Variants in ANKS1B observed in about 807,000 individuals in gnomAD.
ANKS1B encodes ankyrin repeat and sterile alpha motif domain-containing protein 1B.
A neutral mutation model predicts 148.3 loss-of-function variants in ANKS1B; 36 were observed. That is an observed-to-expected ratio of 0.24 (90% CI 0.19 to 0.32). The LOEUF (loss-of-function observed/expected upper bound fraction) is 0.32, where lower values mean the gene tolerates loss of function less well. ANKS1B is among the 10% of genes least tolerant of loss of function. The pLI, the probability that ANKS1B is intolerant of heterozygous loss-of-function variation, is 1.00. For synonymous variants in ANKS1B, 542 were observed against 560.8 expected (o/e 0.97, Z 0.47); for missense variants, 1,157 against 1,542.6 (o/e 0.75, Z 4.19).
chr12:99,202,106 G>T (rs1244281237), intron 14 of ANKS1B, among the ~76,000 whole-genome samples: 1 of 152,110 alleles, frequency 6.6e-6, no homozygotes, highest in African/African-American at 2.4e-5. Flanking sequence ...TAAAAATAGG[G>T]TCAGCATATG....
chr12:98,996,276 G>A (rs2099929514), intron 17 of ANKS1B, among the ~76,000 whole-genome samples: 3 of 152,190 alleles, frequency 2.0e-5, no homozygotes, highest in Admixed American at 6.5e-5. Flanking sequence ...GACTCTGGAT[G>A]TGAATCAGTA....
At chr12:98,894,663 C>A (rs1362666219) in intron 17 of ANKS1B, 1 of 985,466 alleles carries the variant, frequency 1.0e-6, no homozygotes, top group African/African-American at 1.7e-5. Flanking sequence ...AGCCGGGATC[C>A]GCGAGGGCTG....
intron 17 of ANKS1B, among the ~76,000 whole-genome samples, chr12:98,944,579 T>C (rs1251582583): frequency 1.3e-5 from 2 of 152,158 alleles, no homozygotes; most frequent in Non-Finnish European, 2.9e-5. Flanking sequence ...TATATATGCA[T>C]ACAAACTAGG....
intron 17 of ANKS1B, among the ~76,000 whole-genome samples, chr12:99,031,974 T>G (rs1224361114): frequency 6.6e-6 from 1 of 152,250 alleles, no homozygotes; most frequent in Non-Finnish European, 1.5e-5. Context: ...GTAGCTAATC[T>G]TTAACAAATT....
chr12:99,937,490 C>T (rs1317173081), intron 1 of ANKS1B, among the ~76,000 whole-genome samples: 1 of 152,176 alleles, frequency 6.6e-6, no homozygotes, highest in Non-Finnish European at 1.5e-5. Flanking sequence ...TTATATTCTT[C>T]TCACAGACAA....
intron 16 of ANKS1B, among the ~76,000 whole-genome samples, chr12:99,082,745 AG>A (rs1431210883): frequency 6.6e-6 from 1 of 152,114 alleles, no homozygotes; most frequent in African/African-American, 2.4e-5. Flanking sequence ...GATGGTAAGG[AG>A]CGGTTCCATT....
chr12:99,355,451 TTTTAG>T (rs776115247), intron 12 of ANKS1B, among the ~76,000 whole-genome samples: 1 of 152,190 alleles, frequency 6.6e-6, no homozygotes. Context: ...TTTAATGCCT[TTTTAG>T]TTGTCTTTTG....
intron 4 of ANKS1B, among the ~76,000 whole-genome samples, chr12:99,789,744 G>A (rs915698489): frequency 1.3e-5 from 2 of 151,988 alleles, no homozygotes; most frequent in African/African-American, 2.4e-5. Flanking sequence ...ACAGGTATTC[G>A]AAGACACACT....
chr12:99,828,417 C>G (rs935734106), intron 1 of ANKS1B, among the ~76,000 whole-genome samples: 10 of 152,152 alleles, frequency 6.6e-5, no homozygotes, highest in South Asian at 2.1e-4. Context: ...AGTCCCAACA[C>G]TATGAACTCA....
At chr12:99,453,029 G>A (rs557635915) in intron 10 of ANKS1B, among the ~76,000 whole-genome samples, 11 of 152,146 alleles carry the variant, frequency 7.2e-5, no homozygotes, top group Admixed American at 2.6e-4. Context: ...AGTGGCTCAC[G>A]CCTGTAATCC....
intron 17 of ANKS1B, among the ~76,000 whole-genome samples, chr12:98,852,745 T>A (rs1474275808): frequency 3.9e-5 from 6 of 152,048 alleles, no homozygotes; most frequent in Non-Finnish European, 1.5e-5. Context: ...AAGCCTGAGC[T>A]TTTTCCCCCC....
intron 1 of ANKS1B, among the ~76,000 whole-genome samples, chr12:99,967,290 G>A (rs2095496029): frequency 6.6e-6 from 1 of 152,100 alleles, no homozygotes; most frequent in South Asian, 2.1e-4. Flanking sequence ...CTACAAGATA[G>A]ATGTTATCAC....
chr12:99,013,586 G>C (rs1568361880), intron 17 of ANKS1B, among the ~76,000 whole-genome samples: 1 of 152,180 alleles, frequency 6.6e-6, no homozygotes, highest in Non-Finnish European at 1.5e-5. Context: ...TTTGTTTGCA[G>C]ATGACATGAC....
intron 22 of ANKS1B, among the ~76,000 whole-genome samples, chr12:98,789,852 T>C (rs973522164): frequency 2.0e-5 from 3 of 152,228 alleles, no homozygotes; most frequent in African/African-American, 4.8e-5. Context: ...AAATATATTA[T>C]TGTGTTTAAA....
At chr12:98,861,083 CT>C (rs958197944) in intron 17 of ANKS1B, among the ~76,000 whole-genome samples, 7 of 152,284 alleles carry the variant, frequency 4.6e-5, no homozygotes, top group African/African-American at 1.7e-4. Flanking sequence ...CCTTTCTCCC[CT>C]CCAGAGTTAG....
intron 15 of ANKS1B, among the ~76,000 whole-genome samples, chr12:99,098,575 C>G (rs765372516): frequency 5.7e-4 from 66 of 115,960 alleles, no homozygotes; most frequent in Non-Finnish European, 7.7e-4. Flanking sequence ...TTTATAAACT[C>G]TAAAGTAAAA....
At chr12:99,719,775 CAAA>C (rs2057874627) in intron 8 of ANKS1B, among the ~76,000 whole-genome samples, 1 of 152,152 alleles carries the variant, frequency 6.6e-6, no homozygotes, top group Admixed American at 6.5e-5. Flanking sequence ...GCTTTACTTC[CAAA>C]GGAAGCTAGA....
intron 26 of ANKS1B, among the ~76,000 whole-genome samples, chr12:98,747,676 T>C (rs962202139): frequency 2.0e-5 from 3 of 152,246 alleles, no homozygotes; most frequent in Admixed American, 2.0e-4. Context: ...GCAGAATTAT[T>C]CACAGCAGCC....
chr12:99,554,774 G>A (rs1024269691), intron 9 of ANKS1B, among the ~76,000 whole-genome samples: 1 of 152,096 alleles, frequency 6.6e-6, no homozygotes, highest in African/African-American at 2.4e-5. Context: ...CAGGGGTTTG[G>A]AGTACAAATT....
Sources: allele counts gnomAD v4.1 joint callset (sites outside exome capture counted in the v4.1 genomes callset), GRCh38; gene constraint gnomAD v4.1.1; transcripts MANE v1.5; gene names NCBI Gene and HGNC (gene_info 2026-07-23, HGNC 2026-07-21).